Variants in FBXO31 observed in about 807,000 individuals in gnomAD.
FBXO31 encodes the protein F-box protein 31.
FBXO31 carries 24 observed loss-of-function variants against 54.4 expected under a neutral mutation model. The ratio of observed to expected loss-of-function variants is 0.44; its 90% confidence interval spans 0.32 to 0.62. The LOEUF is 0.62. Among genes scored for constraint, FBXO31 ranks in the 20% least tolerant of loss-of-function variants. The probability of loss-of-function intolerance (pLI) is 0.05; values close to 1 mark genes in which losing one functional copy is unlikely to be tolerated. For synonymous variants in FBXO31, 388 were observed against 335.6 expected (o/e 1.16, Z -1.71); for missense variants, 665 against 787.1 (o/e 0.84, Z 1.86).
chr16:87,358,435 C>A lies in FBXO31; in HGVS notation c.412+1860G>T, dbSNP rs1268786776. 1 of 152,672 alleles carries A rather than the reference C, an allele frequency of 6.5e-6. No homozygotes were observed. The highest frequency in any genetic ancestry group is 1.5e-5 in the Non-Finnish European group (1 of 68,050). 9.5% of individuals were successfully genotyped at this position (152,672 alleles called of 1,614,324 possible). ...CGGCAGGTGTAAACGTCTCTGTACG[C>A]CATGTGCTCATAATCAGGGAGAATT... is the stretch of plus-strand genomic sequence containing the variant. On this transcript the variant is annotated intron_variant, in intron 2 of 8. Transcript: ENST00000311635. This position sits in a 1 kb window ranked among gnomAD's most constrained non-coding sequence, Gnocchi z 4.0.
chr16:87,350,301 C>T (rs950581838), intron 2 of FBXO31, among the ~76,000 whole-genome samples: 5 of 152,272 alleles, frequency 3.3e-5, no homozygotes, highest in Admixed American at 2.0e-4. Flanking sequence ...TTGGAGAAGA[C>T]GCTAGACTCC....
intron 1 of FBXO31, among the ~76,000 whole-genome samples, chr16:87,380,976 G>C (rs150156996): frequency 2.0e-5 from 3 of 151,976 alleles, no homozygotes; most frequent in Non-Finnish European, 4.4e-5. Flanking sequence ...TATACCTTAC[G>C]GTTTCCCAAA....
At position 87,334,272 on chromosome 16, in the gene FBXO31, G is replaced by A. The variant is rs1904972096; in HGVS notation, c.1011C>T (p.Ile337=). 1 of 1,584,738 alleles carries A rather than the reference G, an allele frequency of 6.3e-7. No individual in the cohort carries two copies. Among genetic ancestry groups the A allele is most frequent in the Non-Finnish European group, 8.6e-7 (1 of 1,163,280 alleles). Residue 337 remains isoleucine (I), a synonymous_variant, in exon 8 of 9, where the codon ATC becomes ATT. Coordinates refer to ENST00000311635, the MANE Select transcript of FBXO31 (RefSeq NM_024735.5). ...TCTCCACTGTCTGCTGCCCAGCGGGGATGTTGGGGTCGCCCTGTGGAGCAG... is the reference window on the plus strand; with the variant it reads ...TCTCCACTGTCTGCTGCCCAGCGGGAATGTTGGGGTCGCCCTGTGGAGCAG... ...RGTKITGDPN[I]PAGQQTVEID...
chr16:87,389,851 G>A (rs1907460322), upstream of FBXO31: 1 of 152,124 alleles, frequency 6.6e-6, no homozygotes, highest in South Asian at 2.1e-4. Flanking sequence ...TTCGGAATCT[G>A]GAAACCAGAG....
intron 5 of FBXO31, among the ~76,000 whole-genome samples, chr16:87,341,435 C>T (rs949324452): frequency 4.0e-5 from 6 of 151,750 alleles, no homozygotes; most frequent in African/African-American, 1.2e-4. Flanking sequence ...ATGGGTGGAT[C>T]GCCTGAGGTC....
intron 1 of FBXO31, among the ~76,000 whole-genome samples, chr16:87,377,410 C>G (rs1274644912): frequency 6.6e-6 from 1 of 152,142 alleles, no homozygotes; most frequent in South Asian, 2.1e-4. Context: ...AGCGCCACTA[C>G]ACTCCAACCT....
In FBXO31 at chr16:87,334,304, G is replaced by A. The variant is rs1188135247; in HGVS notation, c.997-18C>T. On this transcript the variant is annotated intron_variant, in intron 7 of 8. Transcript: ENST00000311635. ...GGGTCGCCCTGTGGAGCAGGTGGCAGTCAGCAGGGCTCAGGCCAGCAGCAG... is the reference window on the plus strand; with the variant it reads ...GGGTCGCCCTGTGGAGCAGGTGGCAATCAGCAGGGCTCAGGCCAGCAGCAG... 1.3e-6 allele frequency: 2 copies of A among 1,553,962 alleles called. No individual in the cohort carries two copies. Among genetic ancestry groups the A allele is most frequent in the South Asian group, 2.5e-5 (2 of 81,036 alleles).
chr16:87,384,036 C>T (rs750215742), upstream of FBXO31: 3 of 185,502 alleles, frequency 1.6e-5, no homozygotes, highest in Admixed American at 6.1e-5. Context: ...CCGTGTGAGG[C>T]TCGAACTCAC....
intron 1 of FBXO31, among the ~76,000 whole-genome samples, chr16:87,364,939 C>G (rs142768807): frequency 0.019 from 2,637 of 141,614 alleles, 45 homozygotes; most frequent in African/African-American, 0.036. Flanking sequence ...TCCAGGAGGT[C>G]GAGCCTGCAG....
rs879636266 is a variant in FBXO31, at chr16:87,346,583, C to A, written c.489+591G>T. Reference sequence around the variant, plus strand: ...TCCTCAGACCCCAACGGCAAGCAGGCTGCCGGGAGAAGGGAAACGGAGACG... The same window carrying A: ...TCCTCAGACCCCAACGGCAAGCAGGATGCCGGGAGAAGGGAAACGGAGACG... On this transcript the variant is annotated intron_variant, in intron 3 of 8. Transcript: ENST00000311635. The surrounding 1 kb of genome is among the most constrained non-coding windows in gnomAD (Gnocchi z 4.2). Among the ~76,000 whole-genome samples the A allele has an allele frequency of 1.3e-5, 2 of 152,194 alleles. No homozygotes were observed. Among genetic ancestry groups the A allele is most frequent in the Non-Finnish European group, 2.9e-5 (2 of 68,034 alleles).
chr16:87,383,820 G>T, upstream of FBXO31: 1 of 1,041,610 alleles, frequency 9.6e-7, no homozygotes, highest in Non-Finnish European at 1.2e-6. This position sits in a 1 kb window ranked among gnomAD's most constrained non-coding sequence, Gnocchi z 4.9. Context: ...GCCGAGCCAC[G>T]CCCCCGCCGC....
At chr16:87,351,207 G>C (rs987887482) in intron 2 of FBXO31, among the ~76,000 whole-genome samples, 4 of 152,316 alleles carry the variant, frequency 2.6e-5, no homozygotes, top group East Asian at 3.9e-4. Context: ...CAAGCAAACG[G>C]ATTCATTCAA....
intron 2 of FBXO31, among the ~76,000 whole-genome samples, chr16:87,354,922 G>A (rs191898271): frequency 3.1e-4 from 47 of 151,946 alleles, no homozygotes; most frequent in Non-Finnish European, 5.7e-4. Flanking sequence ...AGCCAAGATC[G>A]CGCCACTGCA....
upstream of FBXO31, among the ~76,000 whole-genome samples, chr16:87,388,162 G>A (rs747395930): frequency 3.9e-5 from 6 of 152,222 alleles, no homozygotes; most frequent in Non-Finnish European, 8.8e-5. Flanking sequence ...CGGGTCGCGT[G>A]ACTGATTTGT....
intron 1 of FBXO31, among the ~76,000 whole-genome samples, chr16:87,369,662 C>G (rs1431812441): frequency 1.3e-5 from 2 of 152,186 alleles, no homozygotes; most frequent in Non-Finnish European, 2.9e-5. Context: ...GAGTCCCTTC[C>G]TTTCTTTTAT....
upstream of FBXO31, chr16:87,383,976 G>A (rs901575769): frequency 1.6e-5 from 4 of 243,658 alleles, no homozygotes; most frequent in East Asian, 3.6e-4. The surrounding 1 kb of genome is among the most constrained non-coding windows in gnomAD (Gnocchi z 4.9). Flanking sequence ...CGCCCGTGAC[G>A]GGCATGAGAA....
In FBXO31 at chr16:87,358,247, C is replaced by G. The variant is rs887024289; in HGVS notation, c.412+2048G>C. 2.0e-5 allele frequency among the ~76,000 whole-genome samples: 3 copies of G among 152,006 alleles called. No homozygotes were observed. Among genetic ancestry groups the G allele is most frequent in the African/African-American group, 7.3e-5 (3 of 41,276 alleles). ...GGTGTGATCTCTGTCACAGCTGAAGCAGAGCCACGCTGCAGCAAGTGAACG... is the reference window on the plus strand; with the variant it reads ...GGTGTGATCTCTGTCACAGCTGAAGGAGAGCCACGCTGCAGCAAGTGAACG... On this transcript the variant is annotated intron_variant, in intron 2 of 8. Coordinates refer to ENST00000311635, the MANE Select transcript of FBXO31 (RefSeq NM_024735.5). The surrounding 1 kb of genome is among the most constrained non-coding windows in gnomAD (Gnocchi z 4.0).
Position 87,383,313 on chromosome 16 carries a change from C to A in FBXO31, c.340+92G>T. 8.2e-7 allele frequency: 1 copy of A among 1,226,598 alleles called. No homozygotes were observed. Among genetic ancestry groups the A allele is most frequent in the Non-Finnish European group, 1.1e-6 (1 of 925,182 alleles). The allele number at this position is 1,226,598 out of a possible 1,614,324, so 76.0% of individuals were successfully genotyped here. A position where few individuals can be genotyped will look rare whatever the true frequency, so the allele number is the denominator to read the frequency against. ...CCGCGCCCAACTGGTGGCCCCCGGC[C>A]GGGGCCACCGCCCCCGCCACTCCCA... On this transcript the variant is annotated intron_variant, in intron 1 of 8. Coordinates refer to ENST00000311635, the MANE Select transcript of FBXO31 (RefSeq NM_024735.5). The surrounding 1 kb of genome is among the most constrained non-coding windows in gnomAD (Gnocchi z 4.9).
intron 2 of FBXO31, among the ~76,000 whole-genome samples, chr16:87,357,338 T>C (rs1291894508): frequency 6.6e-6 from 1 of 150,776 alleles, no homozygotes; most frequent in Admixed American, 6.6e-5. Flanking sequence ...TTTTTTTTTT[T>C]TTTTTTTTGA....
Sources: allele counts gnomAD v4.1 joint callset (sites outside exome capture counted in the v4.1 genomes callset), GRCh38; gene constraint gnomAD v4.1.1; non-coding constraint Gnocchi (gnomAD v3.1); transcripts MANE v1.5; gene names NCBI Gene and HGNC (gene_info 2026-07-23, HGNC 2026-07-21).